The following GLIS3 variants were observed in gnomAD, a reference collection of about 807,000 sequenced individuals.
The protein encoded by GLIS3 is zinc finger protein GLIS3.
GLIS3 carries 53 observed loss-of-function variants against 78.6 expected under a neutral mutation model. The observed-to-expected ratio is 0.67, with a 90% CI of 0.54 to 0.85. The LOEUF (loss-of-function observed/expected upper bound fraction) is 0.85. Ranked by LOEUF, GLIS3 falls within the 40% of genes least tolerant of loss-of-function variation. The pLI is 0.00. For missense variants in GLIS3, 1,703 were observed against 1,231.1 expected, an observed-to-expected ratio of 1.38 and a Z score of -5.74; for synonymous variants, 684 against 509.9, an observed-to-expected ratio of 1.34 and a Z score of -4.60.
chr9:4,465,297 C>T, the GLIS3 span, among the ~76,000 whole-genome samples: 7 of 152,214 alleles, frequency 4.6e-5, no homozygotes, highest in Admixed American at 3.9e-4. Flanking sequence ...CCTGTAATCC[C>T]GGCACTTTGG....
chr9:4,153,585 A>G (rs1230609605), intron 2 of GLIS3, among the ~76,000 whole-genome samples: 1 of 152,190 alleles, frequency 6.6e-6, no homozygotes, highest in Non-Finnish European at 1.5e-5. Context: ...ATATTGTGGA[A>G]CACAGAAGGA....
intron 2 of GLIS3, among the ~76,000 whole-genome samples, chr9:4,157,106 G>C (rs543600764): frequency 2.0e-5 from 3 of 152,290 alleles, no homozygotes; most frequent in South Asian, 4.1e-4. Flanking sequence ...TCCTTCATTA[G>C]TGTATGAATA....
intron 2 of GLIS3, among the ~76,000 whole-genome samples, chr9:4,213,927 C>CAAAAAAAAAAAAAAAAAAAAAAAAAACA (rs56146504): frequency 7.2e-6 from 1 of 138,224 alleles, no homozygotes; most frequent in African/African-American, 2.7e-5. Context: ...AACACAGAAG[C>CAAAAAAAAAAAAAAAAAAAAAAAAAACA]AAAAAAAAAA....
chr9:3,997,049 C>T (rs1327062133), intron 4 of GLIS3, among the ~76,000 whole-genome samples: 3 of 152,078 alleles, frequency 2.0e-5, no homozygotes, highest in Admixed American at 2.0e-4. Flanking sequence ...GCCTAGACAC[C>T]TTAAAAATTG....
At chr9:4,197,721 TAG>T (rs1390209336) in intron 2 of GLIS3, among the ~76,000 whole-genome samples, 1 of 152,132 alleles carries the variant, frequency 6.6e-6, no homozygotes, top group African/African-American at 2.4e-5. Context: ...TCTAAGTCAG[TAG>T]AGAGTTTCTG....
chr9:4,291,295 G>T (rs954962968), intron 1 of GLIS3, among the ~76,000 whole-genome samples: 1 of 151,950 alleles, frequency 6.6e-6, no homozygotes, highest in African/African-American at 2.4e-5. Context: ...TCCTCTGCAG[G>T]GATTCTTCAA....
intron 2 of GLIS3, among the ~76,000 whole-genome samples, chr9:4,163,484 C>A (rs1403649857): frequency 6.6e-6 from 1 of 152,246 alleles, no homozygotes; most frequent in Non-Finnish European, 1.5e-5. Flanking sequence ...GAAGTCCTCA[C>A]ACTTTCTGGC....
At chr9:3,869,288 T>C (rs1157965857) in intron 8 of GLIS3, among the ~76,000 whole-genome samples, 2 of 116,498 alleles carry the variant, frequency 1.7e-5, no homozygotes, top group Non-Finnish European at 3.8e-5. Flanking sequence ...TGTGTGTGTG[T>C]GTGTGTAAAA....
intron 2 of GLIS3, among the ~76,000 whole-genome samples, chr9:4,240,009 G>A (rs1823138754): frequency 6.6e-6 from 1 of 151,904 alleles, no homozygotes; most frequent in Non-Finnish European, 1.5e-5. Flanking sequence ...AATTATTTCT[G>A]CAACCATTTA....
chr9:4,396,884 T>C, the GLIS3 span, among the ~76,000 whole-genome samples: 1 of 152,112 alleles, frequency 6.6e-6, no homozygotes, highest in African/African-American at 2.4e-5. Flanking sequence ...AAGTCTGATT[T>C]CATGAGAGTT....
chr9:4,343,975 T>TTACC (rs1399706859), intron 2 of GLIS3, among the ~76,000 whole-genome samples: 2 of 152,256 alleles, frequency 1.3e-5, no homozygotes, highest in African/African-American at 4.8e-5. Context: ...ACTGTGCTTA[T>TTACC]TACCTGCATA....
At chr9:4,315,205 A>G (rs1199327358) in intron 2 of GLIS3, among the ~76,000 whole-genome samples, 1 of 152,172 alleles carries the variant, frequency 6.6e-6, no homozygotes, top group Admixed American at 6.5e-5. Flanking sequence ...TCCCAGATGC[A>G]TTTCCTAGTG....
chr9:4,183,044 G>A (rs764954952), intron 2 of GLIS3, among the ~76,000 whole-genome samples: 24 of 152,174 alleles, frequency 1.6e-4, no homozygotes, highest in Non-Finnish European at 2.6e-4. Flanking sequence ...ACAGATAGTG[G>A]TGAGGCCCAC....
intron 2 of GLIS3, among the ~76,000 whole-genome samples, chr9:4,162,268 T>G (rs868453240): frequency 1.3e-5 from 2 of 152,192 alleles, no homozygotes; most frequent in African/African-American, 4.8e-5. Flanking sequence ...TAATCCGGTA[T>G]GACCTCATTT....
upstream of GLIS3, among the ~76,000 whole-genome samples, chr9:4,352,661 A>G (rs561551417): frequency 3.0e-4 from 46 of 152,322 alleles, no homozygotes; most frequent in African/African-American, 1.1e-3. Context: ...TAGTGGGGAG[A>G]TGATCAAGAC....
the GLIS3 span, among the ~76,000 whole-genome samples, chr9:4,355,765 C>G: frequency 7.9e-5 from 12 of 152,260 alleles, no homozygotes; most frequent in Middle Eastern, 6.8e-3. Flanking sequence ...CAGCCATAGA[C>G]CCTTTTCACC....
the GLIS3 span, among the ~76,000 whole-genome samples, chr9:4,426,991 A>G: frequency 0.66 from 99,920 of 152,124 alleles, 34,000 homozygotes; most frequent in Non-Finnish European, 0.77. Flanking sequence ...AGTAGAGCCC[A>G]TGTCTTAGTC....
chr9:4,265,848 C>T (rs1000043335), intron 2 of GLIS3, among the ~76,000 whole-genome samples: 1 of 152,022 alleles, frequency 6.6e-6, no homozygotes, highest in African/African-American at 2.4e-5. Context: ...AACTTCACAA[C>T]TGAGTGTCAA....
intron 6 of GLIS3, among the ~76,000 whole-genome samples, chr9:3,918,112 G>A (rs2130715884): frequency 6.6e-6 from 1 of 152,324 alleles, no homozygotes; most frequent in South Asian, 2.1e-4. Flanking sequence ...AGACTGGCAA[G>A]ATAGAGTCAT....
Sources: allele counts gnomAD v4.1 joint callset (sites outside exome capture counted in the v4.1 genomes callset), GRCh38; gene constraint gnomAD v4.1.1; transcripts MANE v1.5; gene names NCBI Gene and HGNC (gene_info 2026-07-23, HGNC 2026-07-21).